PIWIL2: variants seen among roughly 807,000 people sequenced by gnomAD.
PIWIL2 encodes the protein piwi-like protein 2.
A neutral mutation model predicts 116.5 loss-of-function variants in PIWIL2; 81 were observed. The observed-to-expected ratio is 0.70, with a 90% confidence interval of 0.58 to 0.84. The LOEUF (loss-of-function observed/expected upper bound fraction) is 0.84. Ranked by LOEUF, PIWIL2 falls within the 40% of genes least tolerant of loss-of-function variation. The probability of loss-of-function intolerance (pLI) is 0.00; values close to 1 mark genes in which losing one functional copy is unlikely to be tolerated. For synonymous variants in PIWIL2, 489 were observed against 429.5 expected (o/e 1.14, Z -1.71); for missense variants, 1,272 against 1,212.3 (o/e 1.05, Z -0.73).
Position 22,354,293 on chromosome 8 carries a change from C to A in PIWIL2, c.2680C>A (p.His894Asn), listed in dbSNP as rs989112217. The change falls in exon 22 of 23, where the codon CAT becomes AAT. Residue 894 changes from histidine (H) to asparagine (N), a missense_variant. His to Asn is a moderately conservative substitution (Grantham distance 68). Transcript: ENST00000356766. ...TAGGGTGGATTTCTATCTTCTTGCC[C>A]ATCATGTACGGCAGGGCTGTGGCAT... ...CEWVDFYLLAHHVRQGCGIPT... is the reference protein window; with the variant it reads ...CEWVDFYLLANHVRQGCGIPT... The A allele has an allele frequency of 6.2e-7, 1 of 1,612,634 alleles. No individual in the cohort carries two copies.
intron 20 of PIWIL2, among the ~76,000 whole-genome samples, chr8:22,339,057 C>T (rs926633913): frequency 5.0e-4 from 76 of 152,188 alleles, no homozygotes; most frequent in African/African-American, 1.6e-3. Flanking sequence ...TGATTTTCAG[C>T]AAGTTTGCCA....
Position 22,281,112 on chromosome 8 carries a change from T to G in PIWIL2, c.199-8T>G. ...CCTCTTAGAACTTTATTCTTTGACTTTCCACAGGAGTCTGTGGGTTTGGTC... is the reference window on the plus strand; with the variant it reads ...CCTCTTAGAACTTTATTCTTTGACTGTCCACAGGAGTCTGTGGGTTTGGTC... On this transcript the variant is annotated splice_polypyrimidine_tract_variant and splice_region_variant and intron_variant, in intron 2 of 22. Coordinates refer to ENST00000356766, the MANE Select transcript of PIWIL2 (RefSeq NM_018068.5). 1 of 1,586,960 alleles carries G rather than the reference T, an allele frequency of 6.3e-7. No homozygotes were observed. The highest frequency in any genetic ancestry group is 8.6e-7 in the Non-Finnish European group (1 of 1,163,892).
chr8:22,300,914 TG>T (rs977923229), intron 10 of PIWIL2, among the ~76,000 whole-genome samples: 24 of 152,186 alleles, frequency 1.6e-4, no homozygotes, highest in Non-Finnish European at 2.1e-4. Flanking sequence ...ATCAGGTGAA[TG>T]ATATGCACGT....
intron 20 of PIWIL2, among the ~76,000 whole-genome samples, chr8:22,325,774 G>A (rs1489891100): frequency 2.0e-5 from 3 of 152,068 alleles, no homozygotes; most frequent in African/African-American, 2.4e-5. Flanking sequence ...GTGACCCATC[G>A]CGCCCAGCCT....
intron 13 of PIWIL2, among the ~76,000 whole-genome samples, chr8:22,306,495 G>A (rs1172149169): frequency 6.6e-6 from 1 of 152,192 alleles, no homozygotes; most frequent in East Asian, 1.9e-4. Flanking sequence ...TCCTGGGGGT[G>A]TTGGGCTCAG....
At chr8:22,280,774 T>G (rs184190839) in intron 2 of PIWIL2, among the ~76,000 whole-genome samples, 49 of 152,256 alleles carry the variant, frequency 3.2e-4, no homozygotes, top group African/African-American at 1.1e-3. Flanking sequence ...ATGGAAAAGT[T>G]CTGTTGCATT....
intron 20 of PIWIL2, among the ~76,000 whole-genome samples, chr8:22,325,082 T>G (rs1831691306): frequency 6.6e-6 from 1 of 152,138 alleles, no homozygotes; most frequent in Non-Finnish European, 1.5e-5. Flanking sequence ...GCACCTACAG[T>G]GTAGGAATAC....
chr8:22,352,926 CTG>C (rs763793691), intron 20 of PIWIL2, 31 bp from the exon 21 acceptor site: 2 of 1,590,378 alleles, frequency 1.3e-6, no homozygotes, highest in East Asian at 4.5e-5. Context: ...CCTGAGGGCT[CTG>C]TGAGTCACCA....
intron 3 of PIWIL2, 76 bp downstream of exon 3, chr8:22,281,283 C>A: frequency 6.5e-7 from 1 of 1,549,042 alleles, no homozygotes; most frequent in Non-Finnish European, 8.7e-7. Flanking sequence ...GGTTTATTTT[C>A]AGAAACGTAA....
chr8:22,290,599 C>G (rs974976024), intron 10 of PIWIL2, among the ~76,000 whole-genome samples: 2 of 149,598 alleles, frequency 1.3e-5, no homozygotes, highest in African/African-American at 4.9e-5. Flanking sequence ...GCTACCATGC[C>G]CAGCCAATTT....
chr8:22,336,179 A>G (rs1348584725), intron 20 of PIWIL2, among the ~76,000 whole-genome samples: 2 of 152,208 alleles, frequency 1.3e-5, no homozygotes, highest in Non-Finnish European at 2.9e-5. Context: ...CACTCCACCC[A>G]GCAACCACAT....
At chr8:22,290,192 T>G in intron 9 of PIWIL2, 41 bp from the exon 10 acceptor site, 1 of 1,235,240 alleles carries the variant, frequency 8.1e-7, no homozygotes, top group Non-Finnish European at 1.2e-6. Flanking sequence ...AGTATATGTG[T>G]TCTTTGAAAA....
At chr8:22,306,688 G>A (rs4872466) in intron 13 of PIWIL2, among the ~76,000 whole-genome samples, 75,704 of 152,006 alleles carry the variant, frequency 0.5, 20,501 homozygotes, top group East Asian at 0.81. Flanking sequence ...TACAGTTTTT[G>A]GTAACATCAT....
At chr8:22,320,818 C>G (rs571570060) in intron 20 of PIWIL2, among the ~76,000 whole-genome samples, 1 of 152,180 alleles carries the variant, frequency 6.6e-6, no homozygotes, top group South Asian at 2.1e-4. Context: ...GTCTCAAACT[C>G]CTGACCTCAG....
intron 20 of PIWIL2, among the ~76,000 whole-genome samples, chr8:22,336,799 A>C (rs896410923): frequency 5.3e-5 from 8 of 152,172 alleles, no homozygotes; most frequent in African/African-American, 1.9e-4. Flanking sequence ...TAGAAAAACA[A>C]TAGAATCAAT....
intron 20 of PIWIL2, among the ~76,000 whole-genome samples, chr8:22,342,602 C>T (rs1183592107): frequency 6.6e-6 from 1 of 152,156 alleles, no homozygotes; most frequent in African/African-American, 2.4e-5. Flanking sequence ...AGACCATACA[C>T]GTTTTGCAAA....
At position 22,307,962 on chromosome 8, in the gene PIWIL2, C is replaced by G; in HGVS notation, c.1575C>G (p.Pro525=). 6.2e-7 allele frequency: 1 copy of G among 1,611,840 alleles called. No homozygotes were observed. Residue 525 remains proline, a synonymous_variant, in exon 14 of 23, where the codon CCC becomes CCG. Coordinates refer to ENST00000356766, the MANE Select transcript of PIWIL2 (RefSeq NM_018068.5). ...TGGCTCAGCAAATCAATCTGAGCCC[C>G]AAGCAACACCATAGTGCTTTGGAAT... ...KDLAQQINLS[P]KQHHSALECL...
At chr8:22,321,163 G>A (rs1326987570) in intron 20 of PIWIL2, among the ~76,000 whole-genome samples, 1 of 151,972 alleles carries the variant, frequency 6.6e-6, no homozygotes, top group African/African-American at 2.4e-5. Context: ...TGGCTCATCT[G>A]AATATAAATG....
intron 10 of PIWIL2, among the ~76,000 whole-genome samples, chr8:22,303,237 C>T (rs1164580693): frequency 1.3e-5 from 2 of 152,144 alleles, no homozygotes; most frequent in Non-Finnish European, 2.9e-5. Flanking sequence ...CATACAAACA[C>T]ACCAGTGTAT....
Sources: gnomAD v4.1 joint callset for allele counts (sites outside exome capture counted in the v4.1 genomes callset) on GRCh38, gnomAD v4.1.1 for gene constraint, MANE v1.5 for transcripts, NCBI Gene and HGNC (gene_info 2026-07-23, HGNC 2026-07-21) for gene names.